The following SLC66A3 variants were observed in gnomAD, a reference collection of about 807,000 sequenced individuals.
The protein encoded by SLC66A3 is solute carrier family 66 member 3.
SLC66A3 carries 23 observed loss-of-function variants against 25.5 expected under a neutral mutation model. The observed-to-expected ratio is 0.90, with a 90% confidence interval of 0.65 to 1.28. SLC66A3 has a LOEUF of 1.28. Ranked by LOEUF, SLC66A3 falls within the 50% of genes most tolerant of loss-of-function variation. The pLI is 0.00. For synonymous variants in SLC66A3, 108 were observed against 112.6 expected, an observed-to-expected ratio of 0.96 and a Z score of 0.26; for missense variants, 246 against 262.1, an observed-to-expected ratio of 0.94 and a Z score of 0.42.
At chr2:11,164,345 A>ATATATT in intron 4 of SLC66A3, 84 bp downstream of exon 4, 3,386 of 92,688 alleles carry the variant, frequency 0.037, 162 homozygotes, top group African/African-American at 0.081. Context: ...ATATATATAT[A>ATATATT]TTTTTTTTTT....
intron 1 of SLC66A3, among the ~76,000 whole-genome samples, chr2:11,157,305 G>A (rs566432031): frequency 6.6e-6 from 1 of 152,364 alleles, no homozygotes; most frequent in South Asian, 2.1e-4. Context: ...ATCCCTGCTG[G>A]CCTGTCTAAG....
In SLC66A3 at chr2:11,158,077, G is replaced by C. The variant is rs557834259; in HGVS notation, c.143+2388G>C. 3.3e-5 allele frequency among the ~76,000 whole-genome samples: 5 copies of C among 152,270 alleles called. No individual in the cohort carries two copies. The East Asian group carries it at 7.7e-4, about 24-fold the overall frequency. The stretch of plus-strand genomic sequence containing the variant: ...TGTCCCCCAGCCTGGGTGGGGGTAC[G>C]TTTTGTTTAACCCTCTAGTAGGTGT... On this transcript the variant is annotated intron_variant, in intron 1 of 6. Transcript: ENST00000295083.
intron 1 of SLC66A3, among the ~76,000 whole-genome samples, chr2:11,158,435 G>A (rs1285148361): frequency 1.3e-5 from 2 of 152,208 alleles, no homozygotes; most frequent in African/African-American, 2.4e-5. Flanking sequence ...GGCCCAGGCC[G>A]GCGGATCACG....
chr2:11,173,961 T>C (rs1662642722), intron 5 of SLC66A3, among the ~76,000 whole-genome samples: 1 of 152,214 alleles, frequency 6.6e-6, no homozygotes, highest in Non-Finnish European at 1.5e-5. Flanking sequence ...AAACATTTAT[T>C]GTTTGTTTTT....
chr2:11,157,807 C>T (rs1264978415), intron 1 of SLC66A3, among the ~76,000 whole-genome samples: 5 of 152,318 alleles, frequency 3.3e-5, no homozygotes, highest in African/African-American at 1.2e-4. Context: ...AGGGGCATTC[C>T]TTGTAGCTGG....
chr2:11,169,564 T>C (rs1662471377), intron 4 of SLC66A3, among the ~76,000 whole-genome samples: 1 of 152,102 alleles, frequency 6.6e-6, no homozygotes, highest in African/African-American at 2.4e-5. Context: ...CCAGTGTCCC[T>C]TCCCCTTGAT....
intron 5 of SLC66A3, among the ~76,000 whole-genome samples, chr2:11,172,596 C>G (rs939522579): frequency 6.6e-6 from 1 of 152,182 alleles, no homozygotes; most frequent in African/African-American, 2.4e-5. Context: ...GTTGGATTTA[C>G]TAGTTTTAGA....
At chr2:11,162,672 T>A (rs1305687892) in intron 3 of SLC66A3, among the ~76,000 whole-genome samples, 1 of 152,240 alleles carries the variant, frequency 6.6e-6, no homozygotes, top group Admixed American at 6.5e-5. Flanking sequence ...AGTGGTGCCA[T>A]CTCAGCGCAC....
Position 11,178,800 on chromosome 2 carries a change from AATG to A in SLC66A3, c.*976_*978del, listed in dbSNP as rs1558263745. ...AAGGCATTGTTTTGTTAGATGCAGT[AATG>A]ATGTTTACCAGAGATTATTGTTTCC... is the stretch of plus-strand genomic sequence containing the variant. On this transcript the variant is annotated 3_prime_UTR_variant, in exon 7 of 7. Transcript: ENST00000295083. 1.3e-5 allele frequency: 2 copies of A among 152,220 alleles called. No homozygotes were observed. The highest frequency in any genetic ancestry group is 4.8e-5 in the African/African-American group (2 of 41,448). 9.4% of individuals were successfully genotyped at this position (152,220 alleles called of 1,614,324 possible).
chr2:11,175,920 A>G (rs1210005854), intron 6 of SLC66A3, among the ~76,000 whole-genome samples: 1 of 152,194 alleles, frequency 6.6e-6, no homozygotes, highest in Non-Finnish European at 1.5e-5. Context: ...TATGTTTGTT[A>G]GTCTCTTCCT....
intron 6 of SLC66A3, 137 bp downstream of exon 6, chr2:11,175,146 C>T: frequency 1.6e-6 from 1 of 626,012 alleles, no homozygotes; most frequent in Non-Finnish European, 2.8e-6. Flanking sequence ...ACAATGTATT[C>T]CTAGTCTTAT....
At chr2:11,169,015 G>T (rs558520729) in intron 4 of SLC66A3, among the ~76,000 whole-genome samples, 1 of 151,820 alleles carries the variant, frequency 6.6e-6, no homozygotes, top group Non-Finnish European at 1.5e-5. Flanking sequence ...ACGCCACCAC[G>T]CCTGGCTAAT....
At chr2:11,168,189 G>T (rs1662418386) in intron 4 of SLC66A3, among the ~76,000 whole-genome samples, 1 of 151,894 alleles carries the variant, frequency 6.6e-6, no homozygotes, top group Non-Finnish European at 1.5e-5. Flanking sequence ...GGAGGGTGAG[G>T]CAGGAGAATG....
intron 4 of SLC66A3, among the ~76,000 whole-genome samples, chr2:11,170,188 G>T (rs1177278388): frequency 6.6e-6 from 1 of 152,086 alleles, no homozygotes; most frequent in Non-Finnish European, 1.5e-5. Context: ...AATCCTGTTG[G>T]CTTTGCCTTT....
chr2:11,156,234 G>A (rs1192072504), intron 1 of SLC66A3, among the ~76,000 whole-genome samples: 3 of 152,194 alleles, frequency 2.0e-5, no homozygotes, highest in East Asian at 1.9e-4. Context: ...GTAGAAAGAA[G>A]TTTCCTTAGT....
intron 4 of SLC66A3, among the ~76,000 whole-genome samples, chr2:11,169,835 C>T (rs1392055200): frequency 1.4e-3 from 115 of 85,132 alleles, no homozygotes; most frequent in African/African-American, 4.1e-3. Flanking sequence ...CTGGATTTCT[C>T]TCTTTTTTTT....
At chr2:11,164,083 C>T in intron 3 of SLC66A3, 121 bp from the exon 4 acceptor site, 1 of 596,202 alleles carries the variant, frequency 1.7e-6, no homozygotes, top group South Asian at 1.9e-5. Context: ...GTAGCATGTC[C>T]TCCCCTCCCA....
intron 1 of SLC66A3, among the ~76,000 whole-genome samples, chr2:11,157,326 T>A (rs921428129): frequency 2.6e-5 from 4 of 152,218 alleles, no homozygotes; most frequent in African/African-American, 9.6e-5. Flanking sequence ...GGTCTTGCAG[T>A]TGATCACGTG....
chr2:11,162,648 C>T (rs148754655), intron 3 of SLC66A3, among the ~76,000 whole-genome samples: 185 of 152,222 alleles, frequency 1.2e-3, no homozygotes, highest in African/African-American at 4.3e-3. Flanking sequence ...ACTCTGTCGC[C>T]CAGGCTGGAG....
Sources: allele counts gnomAD v4.1 joint callset (sites outside exome capture counted in the v4.1 genomes callset), GRCh38; gene constraint gnomAD v4.1.1; transcripts MANE v1.5; gene names NCBI Gene and HGNC (gene_info 2026-07-23, HGNC 2026-07-21).